DMD: variants seen among roughly 807,000 people sequenced by gnomAD.
DMD encodes the protein dystrophin.
A neutral mutation model predicts 330.1 loss-of-function variants in DMD; 63 were observed. The ratio of observed to expected loss-of-function variants is 0.19; its 90% CI spans 0.16 to 0.24. The LOEUF (loss-of-function observed/expected upper bound fraction) is 0.24, where lower values mean the gene tolerates loss of function less well. Ranked by LOEUF, DMD falls within the 10% of genes least tolerant of loss-of-function variation. The pLI, the probability that DMD is intolerant of heterozygous loss-of-function variation, is 1.00. For synonymous variants in DMD, 1,223 were observed against 959.8 expected (o/e 1.27, Z -5.07); for missense variants, 3,344 against 2,684.1 (o/e 1.25, Z -5.43).
At chrX:31,911,669 C>G (rs930593129) in intron 47 of DMD, among the ~76,000 whole-genome samples, 21 of 111,400 alleles carry the variant, frequency 1.9e-4, no homozygotes, top group Admixed American at 1.6e-3. Flanking sequence ...CACATTTGGC[C>G]AAGTTACTGC....
At chrX:32,826,668 T>TA (rs1371888788) in intron 4 of DMD, among the ~76,000 whole-genome samples, 1 of 111,026 alleles carries the variant, frequency 9.0e-6, no homozygotes, top group African/African-American at 3.3e-5. Flanking sequence ...GAATTGAGAG[T>TA]AAAATGTTGG....
intron 50 of DMD, among the ~76,000 whole-genome samples, chrX:31,797,174 T>C (rs753766728): frequency 1.3e-3 from 151 of 112,007 alleles, no homozygotes; most frequent in African/African-American, 4.8e-3. Flanking sequence ...GGATAGGTGA[T>C]GGCCAATCAG....
intron 74 of DMD, among the ~76,000 whole-genome samples, chrX:31,159,125 C>A (rs1172639909): frequency 8.9e-6 from 1 of 111,881 alleles, no homozygotes; most frequent in Non-Finnish European, 1.9e-5. Flanking sequence ...CATTTATGTA[C>A]CCAGTGCTGT....
At chrX:33,074,062 T>C (rs73452046) in intron 1 of DMD, among the ~76,000 whole-genome samples, 5,361 of 110,939 alleles carry the variant, frequency 0.048, 325 homozygotes, top group African/African-American at 0.17. Flanking sequence ...CCTATCTCAA[T>C]AGGTAGACAA....
chrX:32,326,679 C>T (rs1279093547), intron 41 of DMD, among the ~76,000 whole-genome samples: 3 of 111,269 alleles, frequency 2.7e-5, no homozygotes, highest in Admixed American at 9.5e-5. Flanking sequence ...CCGAGGCAGG[C>T]AGATCATTTG....
At chrX:31,960,461 T>C (rs73619023) in intron 45 of DMD, among the ~76,000 whole-genome samples, 9,860 of 111,242 alleles carry the variant, frequency 0.089, 351 homozygotes, top group African/African-American at 0.12. Context: ...AGTCCTTCAA[T>C]GTAGGCCATT....
Position 32,441,329 on chromosome X carries a change from T to C in DMD, c.3787-15A>G. Reference sequence around the variant, plus strand: ...GCCCAAACTTCCTAAGAAAGAAATATATATCACAGATTAAATATTATGGTA... The same window carrying C: ...GCCCAAACTTCCTAAGAAAGAAATACATATCACAGATTAAATATTATGGTA... On this transcript the variant is annotated splice_polypyrimidine_tract_variant and intron_variant, in intron 27 of 78. Transcript: ENST00000357033. 1.7e-6 allele frequency: 2 copies of C among 1,198,463 alleles called. No individual in the cohort carries two copies. Among genetic ancestry groups the C allele is most frequent in the Non-Finnish European group, 2.3e-6 (2 of 884,752 alleles).
chrX:31,326,661 T>TAC (rs1164311484), intron 61 of DMD, among the ~76,000 whole-genome samples: 19 of 108,367 alleles, frequency 1.8e-4, no homozygotes, highest in Non-Finnish European at 1.1e-4. Context: ...CATAATCACA[T>TAC]ACACACACAC....
intron 48 of DMD, among the ~76,000 whole-genome samples, chrX:31,855,767 C>T (rs747113794): frequency 9.0e-6 from 1 of 111,113 alleles, no homozygotes; most frequent in South Asian, 3.8e-4. Context: ...ATTCTCTCTT[C>T]TGAATACTCT....
At chrX:32,508,841 C>T (rs954655285) in intron 18 of DMD, among the ~76,000 whole-genome samples, 1 of 109,861 alleles carries the variant, frequency 9.1e-6, no homozygotes, top group Non-Finnish European at 1.9e-5. Context: ...GACGGAGTCT[C>T]GCTCTGTCGC....
intron 18 of DMD, among the ~76,000 whole-genome samples, chrX:32,505,863 T>G (rs2044564728): frequency 8.9e-6 from 1 of 112,152 alleles, no homozygotes; most frequent in Admixed American, 9.5e-5. Context: ...ATGGAAGAAC[T>G]TAAATGCATG....
At chrX:32,445,589 G>T (rs1196208561) in intron 27 of DMD, among the ~76,000 whole-genome samples, 17 of 110,586 alleles carry the variant, frequency 1.5e-4, no homozygotes, top group African/African-American at 5.6e-4. Context: ...AAAAAGTAAT[G>T]AGATCCCAGA....
Position 31,627,857 on chromosome X carries a change from C to T in DMD, c.8033G>A (p.Ser2678Asn), listed in dbSNP as rs942124280. The T allele has an allele frequency of 8.3e-7, 1 of 1,207,007 alleles. No homozygotes were observed. Among genetic ancestry groups the T allele is most frequent in the Non-Finnish European group, 1.1e-6 (1 of 892,791 alleles). Residue 2678 changes from serine to asparagine, a missense_variant, in exon 55 of 79, where the codon AGT (serine) becomes AAT (asparagine). Ser to Asn is a conservative substitution (Grantham distance 46). Transcript: ENST00000357033. ...ASWRSIHKRV[S>N]EREAALEETH... ...TTCTTCCAAAGCAGCCTCTCGCTCA[C>T]TCACCCTGCAAAGGACCAAATGTTC...
intron 44 of DMD, among the ~76,000 whole-genome samples, chrX:32,200,673 ATATTT>A (rs2097031430): frequency 8.9e-6 from 1 of 112,140 alleles, no homozygotes; most frequent in Non-Finnish European, 1.9e-5. Flanking sequence ...ATTTAATTAT[ATATTT>A]TATTTAATCA....
chrX:32,915,926 G>A (rs1260177790), intron 2 of DMD, among the ~76,000 whole-genome samples: 1 of 110,870 alleles, frequency 9.0e-6, no homozygotes, highest in African/African-American at 3.3e-5. Flanking sequence ...GGGCTATTCT[G>A]GGAGGTGGTC....
At chrX:32,485,181 T>G (rs2042293375) in intron 20 of DMD, 82 bp from the exon 21 acceptor site, 1 of 972,627 alleles carries the variant, frequency 1.0e-6, no homozygotes, top group Non-Finnish European at 1.5e-6. Flanking sequence ...TAAAAAGCAG[T>G]AAGGCAAGTT....
In DMD at chrX:31,965,805, A is replaced by C. The variant is rs183061188; in HGVS notation, c.6614+2534T>G. ...ATGTATCCAGTTCTTCTGTTACATA[A>C]TTGAAGCTGTAGTGAATTGTCTATC... On this transcript the variant is annotated intron_variant, in intron 45 of 78. Coordinates refer to ENST00000357033, the MANE Select transcript of DMD (RefSeq NM_004006.3). 1.9e-3 allele frequency among the ~76,000 whole-genome samples: 208 copies of C among 112,077 alleles called. 1 individual carries two copies. Among genetic ancestry groups the C allele is most frequent in the Admixed American group, 4.9e-3 (52 of 10,539 alleles).
At chrX:32,541,051 C>T (rs1409203009) in intron 17 of DMD, among the ~76,000 whole-genome samples, 2 of 110,930 alleles carry the variant, frequency 1.8e-5, no homozygotes, top group Non-Finnish European at 3.8e-5. Context: ...CATGAAATGA[C>T]GGAAATGATG....
chrX:32,967,460 C>T (rs181352741), intron 2 of DMD, among the ~76,000 whole-genome samples: 3 of 111,920 alleles, frequency 2.7e-5, no homozygotes, highest in Admixed American at 9.5e-5. Context: ...ATAGACATGC[C>T]TCATGCATCC....
Sources: allele counts gnomAD v4.1 joint callset (sites outside exome capture counted in the v4.1 genomes callset), GRCh38; gene constraint gnomAD v4.1.1; transcripts MANE v1.5; gene names NCBI Gene and HGNC (gene_info 2026-07-23, HGNC 2026-07-21).